The following ZNF608 variants were observed in gnomAD, a reference collection of about 807,000 sequenced individuals.
The protein encoded by ZNF608 is zinc finger protein 608, also known as renal carcinoma antigen NY-REN-36.
Under a neutral mutation model 109.0 loss-of-function variants are expected in ZNF608, and 12 were observed. That is an observed-to-expected ratio of 0.11 (90% CI 0.07 to 0.18). The LOEUF (loss-of-function observed/expected upper bound fraction) is 0.18, where lower values mean the gene tolerates loss of function less well. ZNF608 is among the 10% of genes least tolerant of loss of function. ZNF608 has a pLI of 1.00. For synonymous variants in ZNF608, 732 were observed against 717.4 expected (o/e 1.02, Z -0.33); for missense variants, 1,707 against 1,879.3 (o/e 0.91, Z 1.70).
chr5:124,646,410 A>T (rs1305608546), intron 5 of ZNF608, among the ~76,000 whole-genome samples: 1 of 152,228 alleles, frequency 6.6e-6, no homozygotes, highest in Non-Finnish European at 1.5e-5. Flanking sequence ...TCAGAGTCAC[A>T]GAGCAAGTTA....
chr5:124,686,604 A>G (rs952225837), intron 3 of ZNF608, among the ~76,000 whole-genome samples: 5 of 152,200 alleles, frequency 3.3e-5, no homozygotes, highest in Non-Finnish European at 5.9e-5. Context: ...TGTATTCTGA[A>G]AAGTGACTAG....
At chr5:124,684,479 T>C (rs1002385790) in intron 3 of ZNF608, among the ~76,000 whole-genome samples, 4 of 152,168 alleles carry the variant, frequency 2.6e-5, no homozygotes, top group Non-Finnish European at 5.9e-5. Flanking sequence ...TTATAACTTA[T>C]CAATCTTACC....
chr5:124,645,920 A>T (rs1487930008), intron 5 of ZNF608, among the ~76,000 whole-genome samples: 1 of 152,196 alleles, frequency 6.6e-6, no homozygotes, highest in Admixed American at 6.5e-5. Context: ...ATGTGAATTC[A>T]GGGACCCAGT....
At chr5:124,688,839 T>A (rs1245034536) in intron 3 of ZNF608, among the ~76,000 whole-genome samples, 2 of 152,208 alleles carry the variant, frequency 1.3e-5, no homozygotes, top group Non-Finnish European at 2.9e-5. Context: ...TCCTAGAAAG[T>A]GTTTTCATAA....
chr5:124,645,744 T>C (rs545273012), intron 5 of ZNF608, among the ~76,000 whole-genome samples: 7 of 152,210 alleles, frequency 4.6e-5, no homozygotes, highest in South Asian at 4.1e-4. Context: ...CTGGGACAGC[T>C]GTTGAGGCCT....
chr5:124,639,689 G>C (rs1488222564), intron 8 of ZNF608, among the ~76,000 whole-genome samples: 1 of 152,190 alleles, frequency 6.6e-6, no homozygotes, highest in Non-Finnish European at 1.5e-5. Flanking sequence ...ATCAAACTTA[G>C]AAATGCTCTT....
chr5:124,707,940 T>A (rs1446639538), intron 2 of ZNF608: 1 of 152,258 alleles, frequency 6.6e-6, no homozygotes, highest in African/African-American at 2.4e-5. Context: ...TTCAGAACCA[T>A]GATCAAAGCA....
rs759763182 is a variant in ZNF608 at position 124,744,503 on chromosome 5, C to T, written c.487G>A (p.Gly163Ser). 12 of 1,614,172 alleles carry T rather than the reference C, an allele frequency of 7.4e-6. No individual in the cohort carries two copies. The highest frequency in any genetic ancestry group is 9.3e-6 in the Non-Finnish European group (11 of 1,180,020). ...CTGGTACTATTGCTGTTTGGGTTGC[C>T]GCTGCCGCCGCTGCTCACACTTTGA... ...LGQSVSSGGSGNPNSNSTSTS... is the reference protein window; with the variant it reads ...LGQSVSSGGSSNPNSNSTSTS... The change falls in exon 2 of 10, where the codon GGC becomes AGC. Residue 163 changes from glycine to serine, a missense_variant. Around this residue, in one of 7 missense-constraint regions of ZNF608, gnomAD observed 407 missense variants for 398.7 expected, o/e 1.02. Coordinates refer to ENST00000513986, the MANE Select transcript of ZNF608 (RefSeq NM_020747.3). The surrounding 1 kb of genome is among the most constrained non-coding windows in gnomAD (Gnocchi z 4.5).
At chr5:124,652,695 G>A (rs1750845162) in intron 3 of ZNF608, among the ~76,000 whole-genome samples, 2 of 152,226 alleles carry the variant, frequency 1.3e-5, no homozygotes, top group Admixed American at 1.3e-4. Flanking sequence ...TATAAAGGCG[G>A]TGTTTAGGTT....
chr5:124,648,515 C>T lies in ZNF608; in HGVS notation c.1869G>A (p.Lys623=), dbSNP rs1440032537. 6.2e-7 allele frequency: 1 copy of T among 1,614,194 alleles called. No homozygotes were observed. Among genetic ancestry groups the T allele is most frequent in the Non-Finnish European group, 8.5e-7 (1 of 1,180,022 alleles). ...TTCCAGCACCAGGGGATGCCGGTGC[C>T]TTCAACTGGTCATAAGCAGATACAC... ...STSVSAYDQL[K]APASPGAGNP... Residue 623 remains lysine (K), a synonymous_variant, in exon 5 of 10, where the codon AAG becomes AAA. Transcript: ENST00000513986.
At chr5:124,719,123 A>AT (rs945338890) in intron 2 of ZNF608, among the ~76,000 whole-genome samples, 1 of 152,148 alleles carries the variant, frequency 6.6e-6, no homozygotes, top group African/African-American at 2.4e-5. Context: ...AAGTGCTTAC[A>AT]TTTTTTCTTT....
At chr5:124,714,467 G>T (rs1353554958) in intron 2 of ZNF608, among the ~76,000 whole-genome samples, 1 of 152,136 alleles carries the variant, frequency 6.6e-6, no homozygotes, top group Non-Finnish European at 1.5e-5. Flanking sequence ...TCTCACTAAT[G>T]CTTTTGAACT....
At chr5:124,663,721 G>T (rs569750711) in intron 3 of ZNF608, among the ~76,000 whole-genome samples, 117 of 152,240 alleles carry the variant, frequency 7.7e-4, no homozygotes, top group African/African-American at 2.7e-3. Flanking sequence ...TGAGCAGAAA[G>T]CCATTTTAAA....
intron 4 of ZNF608, 131 bp from the exon 5 acceptor site, chr5:124,649,264 A>G (rs1028537813): frequency 2.0e-5 from 15 of 731,868 alleles, no homozygotes; most frequent in Middle Eastern, 2.4e-4. Flanking sequence ...CAAGGAAAAG[A>G]CTGACAATTT....
chr5:124,745,343 A>G, intron 1 of ZNF608, 171 bp from the exon 2 acceptor site: 1 of 323,678 alleles, frequency 3.1e-6, no homozygotes, highest in Non-Finnish European at 4.7e-6. Flanking sequence ...ACCAAACCCG[A>G]AAAATAAACC....
chr5:124,647,051 G>T lies in ZNF608; in HGVS notation c.3333C>A (p.Asp1111Glu). Residue 1111 changes from aspartate (D) to glutamate (E), a missense_variant, in exon 5 of 10, where the codon GAC becomes GAA. By Grantham distance (45) the Asp-to-Glu change is conservative. This residue lies in a region of ZNF608 where 1,073 missense variants were observed against 1,133.5 expected (regional missense o/e 0.95). Coordinates refer to ENST00000513986, the MANE Select transcript of ZNF608 (RefSeq NM_020747.3). ...CCATTTTCTGCTCTGCCAGCCTCTG[G>T]TCCTCATAGTACTTCTCATACTGCT... ...YRQQYEKYYEDQRLAEQKMAQ... is the reference protein window; with the variant it reads ...YRQQYEKYYEEQRLAEQKMAQ... The T allele has an allele frequency of 6.2e-7, 1 of 1,613,868 alleles. No individual in the cohort carries two copies. Among genetic ancestry groups the T allele is most frequent in the South Asian group, 1.1e-5 (1 of 91,048 alleles).
intron 2 of ZNF608, among the ~76,000 whole-genome samples, chr5:124,735,560 A>G (rs1040660583): frequency 1.3e-5 from 2 of 152,260 alleles, no homozygotes; most frequent in Non-Finnish European, 2.9e-5. Flanking sequence ...GCAAAAGTCA[A>G]AGGGAGAGAA....
intron 8 of ZNF608, among the ~76,000 whole-genome samples, chr5:124,639,458 G>A (rs1188202645): frequency 2.6e-5 from 4 of 152,150 alleles, no homozygotes; most frequent in Admixed American, 6.5e-5. Flanking sequence ...CCATCTCTCC[G>A]GCTCTGCATG....
chr5:124,685,641 G>A (rs1446616536), intron 3 of ZNF608, among the ~76,000 whole-genome samples: 2 of 151,122 alleles, frequency 1.3e-5, no homozygotes, highest in Non-Finnish European at 1.5e-5. Flanking sequence ...AACAACAACA[G>A]CAACTTATCA....
Sources: gnomAD v4.1 joint callset for allele counts (sites outside exome capture counted in the v4.1 genomes callset) on GRCh38, gnomAD v4.1.1 for gene constraint, gnomAD v4.1.1 regional missense constraint, Gnocchi (gnomAD v3.1) non-coding constraint, MANE v1.5 for transcripts, NCBI Gene and HGNC (gene_info 2026-07-23, HGNC 2026-07-21) for gene names.